ZFHX3: variants seen among roughly 807,000 people sequenced by gnomAD.
The protein encoded by ZFHX3 is zinc finger homeobox protein 3.
A neutral mutation model predicts 279.1 loss-of-function variants in ZFHX3; 42 were observed. The observed-to-expected ratio is 0.15, with a 90% confidence interval of 0.12 to 0.19. The LOEUF is 0.19. Ranked by LOEUF, ZFHX3 falls within the 10% of genes least tolerant of loss-of-function variation. ZFHX3 has a pLI of 1.00. For missense variants in ZFHX3, 4,981 were observed against 4,754.0 expected, an observed-to-expected ratio of 1.05 and a Z score of -1.40; for synonymous variants, 2,293 against 1,957.8, an observed-to-expected ratio of 1.17 and a Z score of -4.52.
At chr16:73,645,107 C>A (rs1237775016) in intron 2 of ZFHX3, among the ~76,000 whole-genome samples, 2 of 152,166 alleles carry the variant, frequency 1.3e-5, no homozygotes, top group Non-Finnish European at 2.9e-5. Context: ...GGATTTTAGT[C>A]AAGCAACCAG....
At chr16:72,819,266 T>C (rs2036709397) in intron 5 of ZFHX3, among the ~76,000 whole-genome samples, 1 of 142,642 alleles carries the variant, frequency 7.0e-6, no homozygotes. Flanking sequence ...TACCAAGACT[T>C]AGGGCCCTAT....
intron 4 of ZFHX3, among the ~76,000 whole-genome samples, chr16:73,289,304 T>A (rs2014710231): frequency 6.6e-6 from 1 of 151,986 alleles, no homozygotes; most frequent in African/African-American, 2.4e-5. Flanking sequence ...ATGTGTGTGT[T>A]CCTGCTCCAG....
rs999152363 is a variant in ZFHX3, at chr16:72,844,579, G to A, written c.3449-14720C>T. ...CTGGGGCTCAGGAGTGGTGGTGGGG[G>A]GGTGGGTGTCCCTTTGCTGTAAACA... On this transcript the variant is annotated intron_variant, in intron 4 of 9. Transcript: ENST00000268489. Among the ~76,000 whole-genome samples, 21 of 152,088 alleles carry A rather than the reference G, an allele frequency of 1.4e-4. 1 individual carries two copies. Among genetic ancestry groups the A allele is most frequent in the Non-Finnish European group, 2.6e-4 (18 of 68,010 alleles).
At chr16:73,417,675 A>T (rs2017618162) in intron 3 of ZFHX3, among the ~76,000 whole-genome samples, 2 of 151,756 alleles carry the variant, frequency 1.3e-5, no homozygotes, top group Admixed American at 6.6e-5. Flanking sequence ...TTTTTTAAAA[A>T]GGAAAAAGAG....
At chr16:72,930,546 C>A (rs1316868064) in intron 3 of ZFHX3, among the ~76,000 whole-genome samples, 1 of 152,074 alleles carries the variant, frequency 6.6e-6, no homozygotes, top group African/African-American at 2.4e-5. Context: ...ACACAACCCG[C>A]TTGTGACATA....
rs928315760 is a variant in ZFHX3 at position 73,580,798 on chromosome 16, CT to C, written c.-1547+99381del. On this transcript the variant is annotated intron_variant, in intron 2 of 17. Transcript: ENST00000641206. ...TTTCCACTCCTTATTCTTTCTGATGCTCACAGTGTCCCATTTATTGCCTATA... is the reference window on the plus strand; with the variant it reads ...TTTCCACTCCTTATTCTTTCTGATGCCACAGTGTCCCATTTATTGCCTATA... 3.6e-4 allele frequency among the ~76,000 whole-genome samples: 54 copies of C among 151,954 alleles called. 3 individuals carry two copies. The highest frequency in any genetic ancestry group is 1.2e-3 in the African/African-American group (51 of 41,242).
chr16:73,171,916 G>GATC (rs1967534526), intron 5 of ZFHX3, among the ~76,000 whole-genome samples: 1 of 152,008 alleles, frequency 6.6e-6, no homozygotes, highest in Non-Finnish European at 1.5e-5. Context: ...ACCCTAATTT[G>GATC]ATCATTACAC....
At chr16:73,046,493 G>A (rs531595621) in intron 1 of ZFHX3, among the ~76,000 whole-genome samples, 2 of 152,168 alleles carry the variant, frequency 1.3e-5, no homozygotes, top group African/African-American at 4.8e-5. Context: ...GTGATTTTCA[G>A]GGTTTCCCTT....
Position 72,958,520 on chromosome 16 carries a change from G to C in ZFHX3, c.1626C>G (p.Thr542=), listed in dbSNP as rs746589767. The change falls in exon 2 of 10, where the codon ACC becomes ACG. Residue 542 remains threonine (T), a synonymous_variant. Coordinates refer to ENST00000268489, the MANE Select transcript of ZFHX3 (RefSeq NM_006885.4). Reference sequence around the variant, plus strand: ...TAGTAGAAGCTGTGCCCCTCGACAGGGTCTGGAGCACGTTAGGCATTAAGG... The same window carrying C: ...TAGTAGAAGCTGTGCCCCTCGACAGCGTCTGGAGCACGTTAGGCATTAAGG... ...NSPLMPNVLQ[T]LSRGTASTSS... 3.1e-6 allele frequency: 5 copies of C among 1,614,038 alleles called. No individual in the cohort carries two copies. In the South Asian group the frequency reaches 4.4e-5, roughly 14 times the overall value.
intron 2 of ZFHX3, among the ~76,000 whole-genome samples, chr16:73,562,366 C>A (rs981680959): frequency 1.3e-5 from 2 of 152,040 alleles, no homozygotes; most frequent in African/African-American, 4.8e-5. Flanking sequence ...GAGGCCAAGG[C>A]GGGCGGATCA....
intron 1 of ZFHX3, among the ~76,000 whole-genome samples, chr16:73,811,803 T>A (rs1960434839): frequency 6.6e-6 from 1 of 152,160 alleles, no homozygotes; most frequent in Non-Finnish European, 1.5e-5. Context: ...GTTCTCTCTG[T>A]TGTGATGCTA....
chr16:73,249,205 T>C (rs1011777483), intron 5 of ZFHX3, among the ~76,000 whole-genome samples: 1 of 152,222 alleles, frequency 6.6e-6, no homozygotes, highest in Non-Finnish European at 1.5e-5. Flanking sequence ...GCCTCTAAAG[T>C]TAGTAACTTG....
At chr16:73,186,732 A>C (rs987704301) in intron 5 of ZFHX3, among the ~76,000 whole-genome samples, 1 of 152,016 alleles carries the variant, frequency 6.6e-6, no homozygotes, top group Non-Finnish European at 1.5e-5. Context: ...GTTGTTACAC[A>C]AGTTAAAAAA....
chr16:73,346,562 C>G (rs1460635776), intron 3 of ZFHX3, among the ~76,000 whole-genome samples: 1 of 135,366 alleles, frequency 7.4e-6, no homozygotes, highest in African/African-American at 2.6e-5. Flanking sequence ...ACCTCCACCT[C>G]CCCGGTTCAA....
intron 2 of ZFHX3, among the ~76,000 whole-genome samples, chr16:73,512,485 G>T: frequency 6.9e-6 from 1 of 143,894 alleles, no homozygotes; most frequent in African/African-American, 2.6e-5. Flanking sequence ...CTATACAGAA[G>T]TCTTCTGTGG....
Position 72,959,483 on chromosome 16 carries a change from C to T in ZFHX3, c.663G>A (p.Leu221=). The change falls in exon 2 of 10, where the codon CTG becomes CTA. Residue 221 remains leucine, a synonymous_variant. Coordinates refer to ENST00000268489, the MANE Select transcript of ZFHX3 (RefSeq NM_006885.4). The stretch of plus-strand genomic sequence containing the variant: ...TGTGCAGGACGGGGCTGAGCCCCGC[C>T]AGGGCTGAGGTATTCGGGAAAGCCT... ...PDQAFPNTSA[L]AGLSPVLHSF... 1 of 1,614,264 alleles carries T rather than the reference C, an allele frequency of 6.2e-7. No individual in the cohort carries two copies. The highest frequency in any genetic ancestry group is 1.3e-5 in the African/African-American group (1 of 75,068).
intron 3 of ZFHX3, among the ~76,000 whole-genome samples, chr16:73,345,094 A>C (rs955824328): frequency 6.6e-6 from 1 of 152,062 alleles, no homozygotes; most frequent in Admixed American, 6.5e-5. Context: ...TTGGAGCAAA[A>C]TCTTTTCCTA....
At chr16:73,308,241 A>G (rs372304776) in intron 4 of ZFHX3, among the ~76,000 whole-genome samples, 1 of 13,138 alleles carries the variant, frequency 7.6e-5, no homozygotes, top group Non-Finnish European at 2.5e-4. Flanking sequence ...ATATATATAT[A>G]TATATATATA....
intron 7 of ZFHX3, among the ~76,000 whole-genome samples, chr16:73,117,729 T>C (rs1966448927): frequency 6.6e-6 from 1 of 152,188 alleles, no homozygotes; most frequent in African/African-American, 2.4e-5. Context: ...TATGATGGTA[T>C]TTGAAGGTGA....
Sources: allele counts gnomAD v4.1 joint callset (sites outside exome capture counted in the v4.1 genomes callset), GRCh38; gene constraint gnomAD v4.1.1; transcripts MANE v1.5; gene names NCBI Gene and HGNC (gene_info 2026-07-23, HGNC 2026-07-21).